PCIF1: variants seen among roughly 807,000 people sequenced by gnomAD.
The protein encoded by PCIF1 is mRNA (2'-O-methyladenosine-N(6)-)-methyltransferase.
PCIF1 carries 12 observed loss-of-function variants against 86.9 expected under a neutral mutation model. The ratio of observed to expected loss-of-function variants is 0.14; its 90% CI spans 0.09 to 0.22. The LOEUF (loss-of-function observed/expected upper bound fraction) is 0.22, where lower values mean the gene tolerates loss of function less well. Ranked by LOEUF, PCIF1 falls within the 10% of genes least tolerant of loss-of-function variation. The probability of loss-of-function intolerance (pLI) is 1.00; values close to 1 mark genes in which losing one functional copy is unlikely to be tolerated. For synonymous variants in PCIF1, 397 were observed against 372.0 expected (o/e 1.07, Z -0.77); for missense variants, 701 against 951.1 (o/e 0.74, Z 3.46).
intron 2 of PCIF1, among the ~76,000 whole-genome samples, 184 bp from the exon 3 acceptor site, chr20:45,938,797 C>T (rs1340523888): frequency 2.6e-5 from 4 of 152,128 alleles, no homozygotes; most frequent in Non-Finnish European, 4.4e-5. Context: ...AGCAGGAGTG[C>T]ACCCATTGAA....
chr20:45,946,100 TCTC>T lies in PCIF1; in HGVS notation c.1415_1417del (p.Leu472del). The T allele has an allele frequency of 6.2e-7, 1 of 1,614,152 alleles. No individual in the cohort carries two copies. The highest frequency in any genetic ancestry group is 8.5e-7 in the Non-Finnish European group (1 of 1,180,018). ...GGTTCCTGCCCCGGGTCTGGTGTCT[TCTC>T]CGACGGTACCAGGTACAGGCCTGGG... is the stretch of plus-strand genomic sequence containing the variant. On this transcript the variant is annotated inframe_deletion, in exon 13 of 17. Transcript: ENST00000372409.
intron 7 of PCIF1, among the ~76,000 whole-genome samples, 196 bp downstream of exon 7, chr20:45,941,403 T>C (rs1347210871): frequency 1.3e-5 from 2 of 152,254 alleles, no homozygotes; most frequent in Non-Finnish European, 2.9e-5. Context: ...GATTCTATGA[T>C]AACCATTAAG....
Position 45,945,043 on chromosome 20 carries a change from T to G in PCIF1, c.1168+13T>G. On this transcript the variant is annotated intron_variant, in intron 11 of 16. Coordinates refer to ENST00000372409, the MANE Select transcript of PCIF1 (RefSeq NM_022104.4). Reference sequence around the variant, plus strand: ...AACAACATCTCAGGTAGGGGAAAGGTGAAGGAGGAGCCAGCTGTGATGCCG... The same window carrying G: ...AACAACATCTCAGGTAGGGGAAAGGGGAAGGAGGAGCCAGCTGTGATGCCG... 1 of 1,594,594 alleles carries G rather than the reference T, an allele frequency of 6.3e-7. No homozygotes were observed. The highest frequency in any genetic ancestry group is 8.5e-7 in the Non-Finnish European group (1 of 1,170,566).
At chr20:45,935,869 T>C (rs1337689329) in intron 1 of PCIF1, among the ~76,000 whole-genome samples, 1 of 152,060 alleles carries the variant, frequency 6.6e-6, no homozygotes, top group South Asian at 2.1e-4. Context: ...GATGCACAGC[T>C]GGCTTTGGAA....
chr20:45,941,825 C>T (rs572362819), intron 7 of PCIF1, among the ~76,000 whole-genome samples: 1 of 151,278 alleles, frequency 6.6e-6, no homozygotes, highest in Admixed American at 6.6e-5. Context: ...GGGCTCAAGC[C>T]TTCTGCTTGC....
chr20:45,939,478 G>T, intron 4 of PCIF1, 139 bp downstream of exon 4: 3 of 1,261,840 alleles, frequency 2.4e-6, no homozygotes, highest in East Asian at 2.4e-5. Context: ...GACAGACACA[G>T]CCCCTGCCCT....
Position 45,947,741 on chromosome 20 carries a change from C to T in PCIF1, c.2101C>T (p.Pro701Ser). The part of the protein sequence containing the change: ...SGREQGPSRE[P>S]HPT ...CCGTGAGCAGGGTCCTAGCCGCGAGCCTCACCCCACTTAACATATCCTGCG... is the reference window on the plus strand; with the variant it reads ...CCGTGAGCAGGGTCCTAGCCGCGAGTCTCACCCCACTTAACATATCCTGCG... Residue 701 changes from proline to serine, a missense_variant, in exon 17 of 17, where the codon CCT becomes TCT. Pro to Ser is a moderately conservative substitution (Grantham distance 74). Coordinates refer to ENST00000372409, the MANE Select transcript of PCIF1 (RefSeq NM_022104.4). The surrounding 1 kb of genome is among the most constrained non-coding windows in gnomAD (Gnocchi z 5.4). 6.3e-7 allele frequency: 1 copy of T among 1,599,570 alleles called. No individual in the cohort carries two copies. The highest frequency in any genetic ancestry group is 8.5e-7 in the Non-Finnish European group (1 of 1,172,516).
chr20:45,937,389 C>T (rs181730179), intron 1 of PCIF1, 29 bp from the exon 2 acceptor site: 1 of 399,480 alleles, frequency 2.5e-6, no homozygotes, highest in African/African-American at 2.1e-5. Flanking sequence ...TCCCACAGGT[C>T]TGTGACTGTT....
Position 45,944,217 on chromosome 20 carries a change from C to G in PCIF1, c.1005+452C>G. Among the ~76,000 whole-genome samples the G allele has an allele frequency of 1.3e-5, 2 of 152,136 alleles. 1 individual carries two copies. The highest frequency in any genetic ancestry group is 2.9e-5 in the Non-Finnish European group (2 of 68,024). ...CCTATCACTTCTTAAACCTCTCCACCAGCACTAGCAATGGGCTTTCTTTTC... is the reference window on the plus strand; with the variant it reads ...CCTATCACTTCTTAAACCTCTCCACGAGCACTAGCAATGGGCTTTCTTTTC... On this transcript the variant is annotated intron_variant, in intron 10 of 16. Coordinates refer to ENST00000372409, the MANE Select transcript of PCIF1 (RefSeq NM_022104.4).
intron 2 of PCIF1, among the ~76,000 whole-genome samples, chr20:45,938,744 C>T (rs1185449370): frequency 6.6e-6 from 1 of 152,020 alleles, no homozygotes; most frequent in Non-Finnish European, 1.5e-5. Flanking sequence ...CAGTAGCAAG[C>T]CAGGCAGAGA....
At chr20:45,946,501 T>G (rs1168107559) in intron 14 of PCIF1, 117 bp downstream of exon 14, 1 of 1,196,952 alleles carries the variant, frequency 8.4e-7, no homozygotes, top group Admixed American at 2.1e-5. Flanking sequence ...TGCCTCCACC[T>G]CTTACCGGCT....
At chr20:45,938,837 C>A in intron 2 of PCIF1, 144 bp from the exon 3 acceptor site, 1 of 1,046,354 alleles carries the variant, frequency 9.6e-7, no homozygotes, top group Non-Finnish European at 1.4e-6. Context: ...GATCCCAGGG[C>A]TGCTGTGTGG....
chr20:45,945,932 C>T, intron 12 of PCIF1, 49 bp downstream of exon 12: 1 of 1,613,108 alleles, frequency 6.2e-7, no homozygotes, highest in Non-Finnish European at 8.5e-7. Flanking sequence ...GAGTCAGGGC[C>T]TAGGATCTTT....
At position 45,946,053 on chromosome 20, in the gene PCIF1, A is replaced by G. The variant is rs1312206535; in HGVS notation, c.1366A>G (p.Ile456Val). The G allele has an allele frequency of 6.2e-7, 1 of 1,614,126 alleles. No homozygotes were observed. Among genetic ancestry groups the G allele is most frequent in the Admixed American group, 1.7e-5 (1 of 60,032 alleles). Residue 456 changes from isoleucine (I) to valine (V), a missense_variant, in exon 13 of 17, where the codon ATT becomes GTT. Physicochemically the swap from Ile to Val is conservative, Grantham distance 29 (BLOSUM62 3). This residue lies in a region of PCIF1 where 121 missense variants were observed against 131.7 expected (regional missense o/e 0.92). Coordinates refer to ENST00000372409, the MANE Select transcript of PCIF1 (RefSeq NM_022104.4). ...KLWLLYRYSC[I>V]DDSAFERFLP... ...GTGGCTCCTTTACCGCTACAGCTGC[A>G]TTGATGACTCTGCCTTTGAGAGGTT...
intron 10 of PCIF1, among the ~76,000 whole-genome samples, 185 bp from the exon 11 acceptor site, chr20:45,944,683 C>T (rs925536369): frequency 2.0e-5 from 3 of 152,184 alleles, no homozygotes; most frequent in Non-Finnish European, 4.4e-5. Flanking sequence ...ATCTCGTGTC[C>T]CCTTGACACT....
In PCIF1 at chr20:45,947,450, G is replaced by A; in HGVS notation, c.1883+12G>A. ...CACATCTGCAAGAAGTGGGTGCCAG[G>A]GAGGGCAGGGGAAGGAGGCTGGGCT... is the stretch of plus-strand genomic sequence containing the variant. On this transcript the variant is annotated intron_variant, in intron 16 of 16. Coordinates refer to ENST00000372409, the MANE Select transcript of PCIF1 (RefSeq NM_022104.4). This position sits in a 1 kb window ranked among gnomAD's most constrained non-coding sequence, Gnocchi z 5.4. 6.2e-7 allele frequency: 1 copy of A among 1,613,744 alleles called. No individual in the cohort carries two copies. Among genetic ancestry groups the A allele is most frequent in the Non-Finnish European group, 8.5e-7 (1 of 1,179,978 alleles).
At chr20:45,935,210 G>T (rs539695924) in intron 1 of PCIF1, among the ~76,000 whole-genome samples, 1 of 151,068 alleles carries the variant, frequency 6.6e-6, no homozygotes, top group African/African-American at 2.4e-5. Flanking sequence ...GCGCGCGCGC[G>T]CTGGAGCTCG....
In PCIF1 at chr20:45,943,502, G is replaced by A; in HGVS notation, c.905+79G>A. 4 of 1,436,012 alleles carry A rather than the reference G, an allele frequency of 2.8e-6. No homozygotes were observed. The highest frequency in any genetic ancestry group is 2.3e-5 in the South Asian group (2 of 85,454). 89.0% of individuals were successfully genotyped at this position (1,436,012 alleles called of 1,614,324 possible). ...CATAGGCCATCTTGCCCAGTCTCAT[G>A]CAGGGCTGTCATTGCTCTCGGTGGC... On this transcript the variant is annotated intron_variant, in intron 9 of 16. Coordinates refer to ENST00000372409, the MANE Select transcript of PCIF1 (RefSeq NM_022104.4). The surrounding 1 kb of genome is among the most constrained non-coding windows in gnomAD (Gnocchi z 5.5).
intron 7 of PCIF1, among the ~76,000 whole-genome samples, chr20:45,941,859 T>G (rs1301517239): frequency 6.6e-6 from 1 of 152,114 alleles, no homozygotes; most frequent in Admixed American, 6.5e-5. Context: ...AGTGCTGGGA[T>G]TACAGATGTG....
Sources: gnomAD v4.1 joint callset for allele counts (sites outside exome capture counted in the v4.1 genomes callset) on GRCh38, gnomAD v4.1.1 for gene constraint, gnomAD v4.1.1 regional missense constraint, Gnocchi (gnomAD v3.1) non-coding constraint, MANE v1.5 for transcripts, NCBI Gene and HGNC (gene_info 2026-07-23, HGNC 2026-07-21) for gene names.